PPP2R2D: variants seen among roughly 807,000 people sequenced by gnomAD.
PPP2R2D encodes the protein serine/threonine-protein phosphatase 2A 55 kDa regulatory subunit B delta isoform.
Under a neutral mutation model 31.1 loss-of-function variants are expected in PPP2R2D, and 9 were observed. The observed-to-expected ratio is 0.29, with a 90% CI of 0.17 to 0.51. The LOEUF (loss-of-function observed/expected upper bound fraction) is 0.51. Among genes scored for constraint, PPP2R2D ranks in the 20% least tolerant of loss-of-function variants. The pLI is 0.98. For missense variants in PPP2R2D, 391 were observed against 465.6 expected, an observed-to-expected ratio of 0.84 and a Z score of 1.48; for synonymous variants, 179 against 172.6, an observed-to-expected ratio of 1.04 and a Z score of -0.29.
At position 131,944,148 on chromosome 10, in the gene PPP2R2D, ATCCT is replaced by A; in HGVS notation, c.655+8_655+11del. 6.2e-7 allele frequency: 1 copy of A among 1,607,656 alleles called. No individual in the cohort carries two copies. Among genetic ancestry groups the A allele is most frequent in the East Asian group, 2.2e-5 (1 of 44,804 alleles). ...AGAAATCACAGATAGAAGCTTTAGT[ATCCT>A]TCCTCAGAGGGACACTGGCGTCTTC... is the stretch of plus-strand genomic sequence containing the variant. On this transcript the variant is annotated splice_donor_5th_base_variant and intron_variant, in intron 6 of 8. Transcript: ENST00000455566.
At chr10:131,964,022 G>A (rs138644810), downstream of PPP2R2D, among the ~76,000 whole-genome samples, 544 of 152,294 alleles carry the variant, frequency 3.6e-3, 2 homozygotes, top group Middle Eastern at 0.017. Flanking sequence ...TTCAGGACCC[G>A]AGCACTTGGG....
intron 5 of PPP2R2D, among the ~76,000 whole-genome samples, chr10:131,941,637 A>G (rs2036444004): frequency 2.6e-5 from 4 of 152,174 alleles, no homozygotes; most frequent in Admixed American, 2.6e-4. Context: ...TCAAGTGAAG[A>G]CTGAGTGAGT....
chr10:131,916,289 C>G (rs1162777290), intron 2 of PPP2R2D, among the ~76,000 whole-genome samples: 1 of 150,920 alleles, frequency 6.6e-6, no homozygotes, highest in South Asian at 2.1e-4. Flanking sequence ...TTCACTTGAC[C>G]TACAGAGAGA....
chr10:131,933,914 G>C (rs1036685886), intron 2 of PPP2R2D, among the ~76,000 whole-genome samples: 1 of 151,966 alleles, frequency 6.6e-6, no homozygotes, highest in Non-Finnish European at 1.5e-5. Context: ...TGGTAATGAT[G>C]TCATCATTAT....
intron 3 of PPP2R2D, 111 bp downstream of exon 3, chr10:131,934,666 G>T (rs2036306511): frequency 2.9e-6 from 2 of 694,856 alleles, no homozygotes; most frequent in Non-Finnish European, 5.3e-6. Flanking sequence ...TTAAGATTCA[G>T]TTCCATCACA....
intron 3 of PPP2R2D, chr10:131,934,784 G>T (rs534501086): frequency 5.3e-6 from 3 of 570,800 alleles, no homozygotes; most frequent in Admixed American, 4.4e-5. Context: ...AGGAGATTCC[G>T]CTGGGGACCC....
At chr10:131,938,838 C>G (rs1382174100) in intron 3 of PPP2R2D, among the ~76,000 whole-genome samples, 4 of 152,354 alleles carry the variant, frequency 2.6e-5, no homozygotes, top group Middle Eastern at 3.4e-3. Context: ...TTCACTACCA[C>G]TGTGTTGGAG....
chr10:131,920,168 CAG>C (rs1447363158), intron 2 of PPP2R2D, among the ~76,000 whole-genome samples: 3 of 137,964 alleles, frequency 2.2e-5, no homozygotes, highest in Non-Finnish European at 4.6e-5. Flanking sequence ...TGGAATGACA[CAG>C]TGTTTGTAGG....
chr10:131,937,040 C>G (rs782408794), intron 3 of PPP2R2D, among the ~76,000 whole-genome samples: 28 of 152,210 alleles, frequency 1.8e-4, no homozygotes, highest in Admixed American at 1.4e-3. Flanking sequence ...GACCCCAGCT[C>G]CCAGTTAGAA....
rs181033005 is a variant in PPP2R2D at position 131,924,864 on chromosome 10, A to C, written c.101-9594A>C. 1.4e-4 allele frequency among the ~76,000 whole-genome samples: 21 copies of C among 152,212 alleles called. 1 individual carries two copies. The South Asian group carries it at 3.9e-3, about 29-fold the overall frequency. On this transcript the variant is annotated intron_variant, in intron 2 of 8. Transcript: ENST00000455566. The stretch of plus-strand genomic sequence containing the variant: ...ATATTTTGCAGTTTTCAATGTACAA[A>C]TCTTGTCATTCTTTGATTAAATTTA...
intron 8 of PPP2R2D, among the ~76,000 whole-genome samples, chr10:131,955,382 TATTC>T (rs1233963029): frequency 1.3e-5 from 2 of 152,228 alleles, no homozygotes; most frequent in Non-Finnish European, 2.9e-5. Flanking sequence ...ACTGTGCTGT[TATTC>T]ATGAGTGAGA....
At chr10:131,960,150 G>A (rs1037825899), downstream of PPP2R2D, among the ~76,000 whole-genome samples, 5 of 152,348 alleles carry the variant, frequency 3.3e-5, no homozygotes, top group African/African-American at 9.6e-5. Context: ...GCAATTCCAC[G>A]CACCTATGTC....
Position 131,947,485 on chromosome 10 carries a change from C to G in PPP2R2D, c.821-45C>G. On this transcript the variant is annotated intron_variant, in intron 7 of 8. Transcript: ENST00000455566. This position sits in a 1 kb window ranked among gnomAD's most constrained non-coding sequence, Gnocchi z 4.3. ...CTTGAACTTGAAAATGATTTGTTCT[C>G]TGATTTTTAAACAGAAGCTGAAAAC... The G allele has an allele frequency of 6.3e-7, 1 of 1,585,852 alleles. No homozygotes were observed.
At chr10:131,963,742 A>G (rs1229818799), downstream of PPP2R2D, among the ~76,000 whole-genome samples, 9 of 152,026 alleles carry the variant, frequency 5.9e-5, no homozygotes, top group Admixed American at 1.3e-4. Flanking sequence ...GTAAAAAGGT[A>G]TCTTCTATTT....
chr10:131,951,198 TG>T (rs1372608585), intron 8 of PPP2R2D, among the ~76,000 whole-genome samples: 1 of 152,232 alleles, frequency 6.6e-6, no homozygotes, highest in Non-Finnish European at 1.5e-5. Flanking sequence ...TGGAGACCAG[TG>T]GTCTTACCCA....
chr10:131,924,438 T>G (rs906050463), intron 2 of PPP2R2D, among the ~76,000 whole-genome samples: 5 of 152,194 alleles, frequency 3.3e-5, no homozygotes, highest in Admixed American at 1.3e-4. Context: ...ATAGTATTCT[T>G]TTACCATTAA....
chr10:131,953,774 T>A (rs1554899477), intron 8 of PPP2R2D, among the ~76,000 whole-genome samples: 1 of 123,322 alleles, frequency 8.1e-6, no homozygotes, highest in Admixed American at 8.7e-5. Context: ...CTTGCGAGTG[T>A]GCGGGGGGTT....
intron 2 of PPP2R2D, among the ~76,000 whole-genome samples, chr10:131,928,877 T>G (rs1328130273): frequency 6.6e-6 from 1 of 152,162 alleles, no homozygotes; most frequent in African/African-American, 2.4e-5. Flanking sequence ...AGACATTGTC[T>G]CTCGGGACAA....
At chr10:131,907,331 A>G (rs2035608516) in intron 2 of PPP2R2D, among the ~76,000 whole-genome samples, 1 of 152,216 alleles carries the variant, frequency 6.6e-6, no homozygotes, top group African/African-American at 2.4e-5. Context: ...CCTTCAGGAA[A>G]GCATCCTCTG....
Sources: gnomAD v4.1 joint callset for allele counts (sites outside exome capture counted in the v4.1 genomes callset) on GRCh38, gnomAD v4.1.1 for gene constraint, Gnocchi (gnomAD v3.1) non-coding constraint, MANE v1.5 for transcripts, NCBI Gene and HGNC (gene_info 2026-07-23, HGNC 2026-07-21) for gene names.